Variants in USP21 observed in about 807,000 individuals in gnomAD.
USP21 encodes ubiquitin specific peptidase 21, also known as ubiquitin carboxyl-terminal hydrolase 21.
USP21 carries 37 observed loss-of-function variants against 70.8 expected under a neutral mutation model. The ratio of observed to expected loss-of-function variants is 0.52; its 90% confidence interval spans 0.40 to 0.69. The LOEUF (loss-of-function observed/expected upper bound fraction) is 0.69, where lower values mean the gene tolerates loss of function less well. Among genes scored for constraint, USP21 ranks in the 30% least tolerant of loss-of-function variants. USP21 has a pLI of 0.00. For synonymous variants in USP21, 263 were observed against 283.1 expected (o/e 0.93, Z 0.71); for missense variants, 584 against 740.8 (o/e 0.79, Z 2.46).
rs567799547 is a variant in USP21, at chr1:161,164,828, G to C, written c.1385-7G>C. 9.4e-5 allele frequency: 152 copies of C among 1,612,642 alleles called. 2 individuals are homozygous for C. The South Asian group carries it at 1.4e-3, about 14-fold the overall frequency. The stretch of plus-strand genomic sequence containing the variant: ...TGCCTCCCAAATGCTCCTTAACCAG[G>C]GCTTAGATCTGAATCGATTTTCTGC... On this transcript the variant is annotated splice_polypyrimidine_tract_variant and splice_region_variant and intron_variant, in intron 11 of 13. Transcript: ENST00000368002. This position sits in a 1 kb window ranked among gnomAD's most constrained non-coding sequence, Gnocchi z 4.2.
Position 161,164,929 on chromosome 1 carries a change from CA to C in USP21, c.1480del (p.Ser494ValfsTer64). ...LQRLSLGDFASDKAGSPVYQL... is the reference protein window; with the variant it reads ...LQRLSLGDFAXDKAGSPVYQL... ...AGCGACTGAGCCTAGGGGACTTTGC[CA>C]GTGACAAAGCCGGTGAGTCTGGTGG... is the stretch of plus-strand genomic sequence containing the variant. On this transcript the variant is annotated frameshift_variant, in exon 12 of 14. Transcript: ENST00000368002. LOFTEE classifies it high-confidence loss of function. This position sits in a 1 kb window ranked among gnomAD's most constrained non-coding sequence, Gnocchi z 4.2. 3 of 1,613,932 alleles carry C rather than the reference CA, an allele frequency of 1.9e-6. No individual in the cohort carries two copies. The highest frequency in any genetic ancestry group is 2.5e-6 in the Non-Finnish European group (3 of 1,179,836).
Position 161,163,995 on chromosome 1 carries a change from G to A in USP21, c.1218+14G>A. Reference sequence around the variant, plus strand: ...CCCATCCCCAAGGTGGGATTCCAGAGGATTCCGGGGTGGACAGGACAGGGG... The same window carrying A: ...CCCATCCCCAAGGTGGGATTCCAGAAGATTCCGGGGTGGACAGGACAGGGG... On this transcript the variant is annotated intron_variant, in intron 9 of 13. Transcript: ENST00000368002. The A allele has an allele frequency of 2.5e-6, 4 of 1,613,268 alleles. No homozygotes were observed. The highest frequency in any genetic ancestry group is 2.5e-6 in the Non-Finnish European group (3 of 1,179,216).
Position 161,164,982 on chromosome 1 carries a change from G to C in USP21, c.1492+40G>C, listed in dbSNP as rs1413360063. The C allele has an allele frequency of 6.2e-7, 1 of 1,612,926 alleles. No individual in the cohort carries two copies. Among genetic ancestry groups the C allele is most frequent in the African/African-American group, 1.3e-5 (1 of 74,884 alleles). On this transcript the variant is annotated intron_variant, in intron 12 of 13. Transcript: ENST00000368002. This position sits in a 1 kb window ranked among gnomAD's most constrained non-coding sequence, Gnocchi z 4.2. ...GAAAGTCCTAAGGAGCCAAAGGAGT[G>C]GGGGCACAGCTCTGATTATAGAACT...
Position 161,163,982 on chromosome 1 carries a change from G to A in USP21, c.1218+1G>A. The A allele has an allele frequency of 1.2e-6, 2 of 1,613,942 alleles. No individual in the cohort carries two copies. Among genetic ancestry groups the A allele is most frequent in the South Asian group, 1.1e-5 (1 of 91,082 alleles). On this transcript the variant is annotated splice_donor_variant, in intron 9 of 13. Transcript: ENST00000368002. LOFTEE classifies it high-confidence loss of function. ...TGACCTGTCCCTGCCCATCCCCAAG[G>A]TGGGATTCCAGAGGATTCCGGGGTG...
chr1:161,165,601 C>T lies in USP21; in HGVS notation c.*154C>T, dbSNP rs1028199685. 3 of 600,012 alleles carry T rather than the reference C, an allele frequency of 5.0e-6. No homozygotes were observed. The highest frequency in any genetic ancestry group is 3.0e-5 in the Admixed American group (1 of 33,744). The allele number at this position is 600,012 out of a possible 1,614,324, so 37.2% of individuals were successfully genotyped here. ...ATTATTTTTTTTATTAAAAAATACC[C>T]TTCCACCTGGAGGCTCCCTTGTCTC... On this transcript the variant is annotated 3_prime_UTR_variant, in exon 14 of 14. Coordinates refer to ENST00000368002, the MANE Select transcript of USP21 (RefSeq NM_001014443.3).
rs945322457 is a variant in USP21 at position 161,162,467 on chromosome 1, G to T, written c.781+77G>T. ...CTTGCAGGTCCATCTGCCACTGGTG[G>T]TGGCCCCCAACCCTTAAATCTGGCA... On this transcript the variant is annotated intron_variant, in intron 5 of 13. Coordinates refer to ENST00000368002, the MANE Select transcript of USP21 (RefSeq NM_001014443.3). The surrounding 1 kb of genome is among the most constrained non-coding windows in gnomAD (Gnocchi z 4.1). 2 of 1,564,402 alleles carry T rather than the reference G, an allele frequency of 1.3e-6. No homozygotes were observed. The highest frequency in any genetic ancestry group is 1.7e-6 in the Non-Finnish European group (2 of 1,151,656).
rs1658187880 is a variant in USP21, at chr1:161,164,044, C to T, written c.1218+63C>T. Reference sequence around the variant, plus strand: ...GGCTCTGTGACCCAAGCCTACCCACCCCCAGAGTGTGGGCGGGAACCCTGT... The same window carrying T: ...GGCTCTGTGACCCAAGCCTACCCACTCCCAGAGTGTGGGCGGGAACCCTGT... On this transcript the variant is annotated intron_variant, in intron 9 of 13. Coordinates refer to ENST00000368002, the MANE Select transcript of USP21 (RefSeq NM_001014443.3). This position sits in a 1 kb window ranked among gnomAD's most constrained non-coding sequence, Gnocchi z 4.2. The T allele has an allele frequency of 5.1e-6, 8 of 1,583,720 alleles. No individual in the cohort carries two copies. Among genetic ancestry groups the T allele is most frequent in the African/African-American group, 1.3e-5 (1 of 74,224 alleles).
At position 161,161,559 on chromosome 1, in the gene USP21, T is replaced by G; in HGVS notation, c.600+319T>G. 1 of 392,080 alleles carries G rather than the reference T, an allele frequency of 2.6e-6. No homozygotes were observed. Among genetic ancestry groups the G allele is most frequent in the Middle Eastern group, 7.1e-4 (1 of 1,412 alleles). The allele number at this position is 392,080 out of a possible 1,614,324, so 24.3% of individuals were successfully genotyped here. A position where few individuals can be genotyped will look rare whatever the true frequency, so the allele number is the denominator to read the frequency against. On this transcript the variant is annotated intron_variant, in intron 3 of 13. Transcript: ENST00000368002. The surrounding 1 kb of genome is among the most constrained non-coding windows in gnomAD (Gnocchi z 4.2). ...TACTGGGACTCTGCCTAGGCCTAAT[T>G]AATCTCTGGAGCTAAAGAGAGGCAG...
At position 161,162,475 on chromosome 1, in the gene USP21, C is replaced by G; in HGVS notation, c.781+85C>G. On this transcript the variant is annotated intron_variant, in intron 5 of 13. Coordinates refer to ENST00000368002, the MANE Select transcript of USP21 (RefSeq NM_001014443.3). This position sits in a 1 kb window ranked among gnomAD's most constrained non-coding sequence, Gnocchi z 4.1. ...TCCATCTGCCACTGGTGGTGGCCCC[C>G]AACCCTTAAATCTGGCAGTTGTATC... 6.4e-7 allele frequency: 1 copy of G among 1,555,554 alleles called. No homozygotes were observed. The highest frequency in any genetic ancestry group is 8.8e-7 in the Non-Finnish European group (1 of 1,141,270).
chr1:161,165,552 G>T lies in USP21; in HGVS notation c.*105G>T, dbSNP rs998572897. The T allele has an allele frequency of 1.1e-5, 5 of 441,110 alleles. No individual in the cohort carries two copies. Among genetic ancestry groups the T allele is most frequent in the Non-Finnish European group, 1.6e-5 (4 of 247,198 alleles). 27.3% of individuals were successfully genotyped at this position (441,110 alleles called of 1,614,324 possible). ...TTTTTGTGTCTTTTTAATCGGGGAG[G>T]GGGGAGGGGGTGGTTGTAGCTCCAT... is the stretch of plus-strand genomic sequence containing the variant. On this transcript the variant is annotated 3_prime_UTR_variant, in exon 14 of 14. Transcript: ENST00000368002.
chr1:161,162,896 C>T lies in USP21; in HGVS notation c.894-23C>T. On this transcript the variant is annotated intron_variant, in intron 6 of 13. Coordinates refer to ENST00000368002, the MANE Select transcript of USP21 (RefSeq NM_001014443.3). This position sits in a 1 kb window ranked among gnomAD's most constrained non-coding sequence, Gnocchi z 4.1. ...GTGGACTAGGAGAGGAGTCAGTTGC[C>T]CATACTCTTTGTCTGGCTGTAGCCA... is the stretch of plus-strand genomic sequence containing the variant. 6.2e-7 allele frequency: 1 copy of T among 1,602,434 alleles called. No individual in the cohort carries two copies. Among genetic ancestry groups the T allele is most frequent in the Non-Finnish European group, 8.5e-7 (1 of 1,173,282 alleles).
Position 161,163,599 on chromosome 1 carries a change from G to A in USP21, c.1094G>A (p.Arg365Gln), listed in dbSNP as rs757626220. Residue 365 changes from arginine to glutamine, a missense_variant, in exon 8 of 14, where the codon CGA (arginine) becomes CAA (glutamine). By Grantham distance (43) the Arg-to-Gln change is conservative (BLOSUM62 1). Around this residue, in one of 4 missense-constraint regions of USP21, gnomAD observed 173 missense variants for 268.2 expected, o/e 0.65. Coordinates refer to ENST00000368002, the MANE Select transcript of USP21 (RefSeq NM_001014443.3). Reference sequence around the variant, plus strand: ...CTAATGTGGAAACGTTACCTGGAGCGAGAGGACAGCAAGATTGTGGGTATG... The same window carrying A: ...CTAATGTGGAAACGTTACCTGGAGCAAGAGGACAGCAAGATTGTGGGTATG... Reference protein sequence around the residue: ...ANLMWKRYLEREDSKIVDLFV... With the variant: ...ANLMWKRYLEQEDSKIVDLFV... 31 of 1,612,100 alleles carry A rather than the reference G, an allele frequency of 1.9e-5. 3 individuals carry two copies. The Middle Eastern group carries it at 2.1e-3, about 111-fold the overall frequency.
At position 161,163,449 on chromosome 1, in the gene USP21, G is replaced by A. The variant is rs918368011; in HGVS notation, c.1050-106G>A. ...CTTGAAATTTAGGGAAGGAGCAGGG[G>A]TGTGGATGGGGAGTAGGGCTCTGTA... is the stretch of plus-strand genomic sequence containing the variant. On this transcript the variant is annotated intron_variant, in intron 7 of 13. Coordinates refer to ENST00000368002, the MANE Select transcript of USP21 (RefSeq NM_001014443.3). The A allele has an allele frequency of 8.1e-6, 8 of 987,866 alleles. No individual in the cohort carries two copies. The African/African-American group carries it at 1.1e-4, about 14-fold the overall frequency. 61.2% of individuals were successfully genotyped at this position (987,866 alleles called of 1,614,324 possible).
In USP21 at chr1:161,160,926, C is replaced by G. The variant is rs765114499; in HGVS notation, c.286C>G (p.Pro96Ala). 19 of 1,614,140 alleles carry G rather than the reference C, an allele frequency of 1.2e-5. No individual in the cohort carries two copies. The highest frequency in any genetic ancestry group is 1.4e-5 in the Non-Finnish European group (17 of 1,180,052). The change falls in exon 3 of 14, where the codon CCA becomes GCA. Residue 96 changes from proline to alanine, a missense_variant. Transcript: ENST00000368002. ...GGTTCCCCTGCCTGGCTCACCACCC[C>G]CAACAGTGGCTTTGCCTCTCCCATC... ...HGVPLPGSPPPTVALPLPSRT... is the reference protein window; with the variant it reads ...HGVPLPGSPPATVALPLPSRT...
Position 161,161,747 on chromosome 1 carries a change from C to T in USP21, c.601-291C>T, listed in dbSNP as rs1657946202. The T allele has an allele frequency of 1.0e-5, 5 of 501,356 alleles. No individual in the cohort carries two copies. The highest frequency in any genetic ancestry group is 5.1e-5 in the South Asian group (2 of 39,386). The allele number at this position is 501,356 out of a possible 1,614,324, so 31.1% of individuals were successfully genotyped here. ...GTGGTGAGCAGCTGGGCAACCATGC[C>T]GGTGCTGGGGGAGTTGCCCCAGGAG... On this transcript the variant is annotated intron_variant, in intron 3 of 13. Transcript: ENST00000368002. The surrounding 1 kb of genome is among the most constrained non-coding windows in gnomAD (Gnocchi z 4.2).
In USP21 at chr1:161,160,809, G is replaced by A; in HGVS notation, c.169G>A (p.Gly57Ser). The change falls in exon 3 of 14, where the codon GGT (glycine) becomes AGT (serine). Residue 57 changes from glycine to serine, a missense_variant. This residue lies in a region of USP21 where 284 missense variants were observed against 281.0 expected (regional missense o/e 1.01). Transcript: ENST00000368002. ...GTTACGACCTCTGCCTCCCCGGCCA[G>A]GTCTGCCTGATGAACGGCTCAAGAA... is the stretch of plus-strand genomic sequence containing the variant. ...PMLRPLPPRP[G>S]LPDERLKKLE... 6.2e-7 allele frequency: 1 copy of A among 1,614,220 alleles called. No homozygotes were observed. The highest frequency in any genetic ancestry group is 8.5e-7 in the Non-Finnish European group (1 of 1,180,054).
At chr1:161,159,885 A>T (rs958060067) in intron 1 of USP21, among the ~76,000 whole-genome samples, 1 of 152,062 alleles carries the variant, frequency 6.6e-6, no homozygotes, top group Non-Finnish European at 1.5e-5. Context: ...TCTGCCCTCG[A>T]GGGGGGCGGA....
Position 161,162,640 on chromosome 1 carries a change from C to G in USP21, c.807C>G (p.Leu269=), listed in dbSNP as rs756140031. 2.5e-6 allele frequency: 4 copies of G among 1,613,580 alleles called. No homozygotes were observed. The East Asian group carries it at 8.9e-5, about 36-fold the overall frequency. The part of the protein sequence containing the change: ...TEAFADVIGA[L]WHPDSCEAVN... ...CCTTTGCAGATGTGATTGGTGCCCT[C>G]TGGCACCCTGACTCCTGCGAAGCTG... The change falls in exon 6 of 14, where the codon CTC becomes CTG. Residue 269 remains leucine, a synonymous_variant. Transcript: ENST00000368002. The surrounding 1 kb of genome is among the most constrained non-coding windows in gnomAD (Gnocchi z 4.1).
Position 161,161,329 on chromosome 1 carries a change from GA to G in USP21, c.600+91del. 1.4e-6 allele frequency: 2 copies of G among 1,471,222 alleles called. No individual in the cohort carries two copies. The highest frequency in any genetic ancestry group is 1.8e-6 in the Non-Finnish European group (2 of 1,103,486). 91.1% of individuals were successfully genotyped at this position (1,471,222 alleles called of 1,614,324 possible). ...TGCCTTTTCTGTCCCCCATTTCCCT[GA>G]AGTTCCTTTCTCAGCCCTTCATTAC... On this transcript the variant is annotated intron_variant, in intron 3 of 13. Transcript: ENST00000368002. The surrounding 1 kb of genome is among the most constrained non-coding windows in gnomAD (Gnocchi z 4.2).
Sources: allele counts gnomAD v4.1 joint callset (sites outside exome capture counted in the v4.1 genomes callset), GRCh38; gene constraint gnomAD v4.1.1; regional missense constraint gnomAD v4.1.1; non-coding constraint Gnocchi (gnomAD v3.1); transcripts MANE v1.5; gene names NCBI Gene and HGNC (gene_info 2026-07-23, HGNC 2026-07-21).